Variants in USH2A observed in about 807,000 individuals in gnomAD.
USH2A encodes the protein Usher syndrome 2A (autosomal recessive, mild).
Under a neutral mutation model 538.9 loss-of-function variants are expected in USH2A, and 443 were observed. The observed-to-expected ratio is 0.82, with a 90% CI of 0.76 to 0.89. The LOEUF (loss-of-function observed/expected upper bound fraction) is 0.89, where lower values mean the gene tolerates loss of function less well. Ranked by LOEUF, USH2A falls within the 40% of genes least tolerant of loss-of-function variation. The probability of loss-of-function intolerance (pLI) is 0.00; values close to 1 mark genes in which losing one functional copy is unlikely to be tolerated. For synonymous variants in USH2A, 2,413 were observed against 2,273.5 expected, an observed-to-expected ratio of 1.06 and a Z score of -1.75; for missense variants, 6,633 against 6,324.8, an observed-to-expected ratio of 1.05 and a Z score of -1.65.
intron 21 of USH2A, among the ~76,000 whole-genome samples, chr1:216,141,687 T>C (rs187980519): frequency 6.6e-6 from 1 of 152,224 alleles, no homozygotes; most frequent in Non-Finnish European, 1.5e-5. Context: ...ATTCTCAGGA[T>C]CTAACTGAGA....
At chr1:216,026,779 A>G (rs1044678566) in intron 32 of USH2A, among the ~76,000 whole-genome samples, 1 of 152,170 alleles carries the variant, frequency 6.6e-6, no homozygotes, top group African/African-American at 2.4e-5. Context: ...AGAGTATGCT[A>G]CATGTTATGA....
At chr1:215,929,454 T>C (rs513746) in intron 38 of USH2A, among the ~76,000 whole-genome samples, 123,374 of 151,920 alleles carry the variant, frequency 0.81, 50,262 homozygotes, top group Admixed American at 0.84. Flanking sequence ...CCTGGCCATA[T>C]GTATGTCAAC....
intron 35 of USH2A, among the ~76,000 whole-genome samples, chr1:215,972,620 AT>A (rs1451393970): frequency 2.0e-5 from 3 of 152,296 alleles, no homozygotes; most frequent in African/African-American, 7.2e-5. Context: ...GGATTAAAGC[AT>A]TTTTTGTTAA....
At chr1:216,378,722 T>G (rs2038880349) in intron 3 of USH2A, among the ~76,000 whole-genome samples, 1 of 152,082 alleles carries the variant, frequency 6.6e-6, no homozygotes, top group Non-Finnish European at 1.5e-5. Context: ...CAGGCACACA[T>G]GTATGCACCC....
At chr1:215,631,070 G>A (rs952493719) in intron 70 of USH2A, among the ~76,000 whole-genome samples, 1 of 152,136 alleles carries the variant, frequency 6.6e-6, no homozygotes, top group African/African-American at 2.4e-5. Context: ...TCATTCCTTG[G>A]CACCTCTGCC....
At chr1:216,144,653 T>C (rs2033660967) in intron 21 of USH2A, among the ~76,000 whole-genome samples, 1 of 152,192 alleles carries the variant, frequency 6.6e-6, no homozygotes, top group South Asian at 2.1e-4. Flanking sequence ...CTGCCTATAT[T>C]CAGCTTTTCG....
rs1184097886 is a variant in USH2A, at chr1:215,623,858, G to T, written c.*1923C>A. ...GGATAAACTCAATCTTCTGAACCTA[G>T]CAAAGCATATTTGTAGACTATTCTT... is the stretch of plus-strand genomic sequence containing the variant. On this transcript the variant is annotated 3_prime_UTR_variant, in exon 72 of 72. Coordinates refer to ENST00000307340, the MANE Select transcript of USH2A (RefSeq NM_206933.4). 1.3e-5 allele frequency: 2 copies of T among 152,102 alleles called. No homozygotes were observed. The highest frequency in any genetic ancestry group is 2.9e-5 in the Non-Finnish European group (2 of 68,010). 9.4% of individuals were successfully genotyped at this position (152,102 alleles called of 1,614,324 possible).
intron 32 of USH2A, among the ~76,000 whole-genome samples, chr1:216,032,157 T>C (rs1821761): frequency 0.9 from 137,133 of 152,216 alleles, 61,939 homozygotes; most frequent in African/African-American, 0.97. Flanking sequence ...ACAAATATTT[T>C]CTGAGTTAAA....
intron 21 of USH2A, among the ~76,000 whole-genome samples, chr1:216,172,382 T>C (rs1243219533): frequency 6.6e-6 from 1 of 152,118 alleles, no homozygotes; most frequent in Non-Finnish European, 1.5e-5. Flanking sequence ...TGAGTACTAA[T>C]TGATATTTCT....
chr1:216,246,362 G>A (rs1182418870), intron 13 of USH2A, among the ~76,000 whole-genome samples: 1 of 152,082 alleles, frequency 6.6e-6, no homozygotes. Context: ...AAATCCGATC[G>A]GCTGAGTTTT....
chr1:215,685,460 C>G (rs1279249830), intron 61 of USH2A, among the ~76,000 whole-genome samples: 1 of 151,538 alleles, frequency 6.6e-6, no homozygotes, highest in Non-Finnish European at 1.5e-5. Context: ...TGGGTTCGAG[C>G]GATTCTCATG....
At chr1:215,843,687 A>AT (rs1483972339) in intron 46 of USH2A, among the ~76,000 whole-genome samples, 1 of 152,166 alleles carries the variant, frequency 6.6e-6, no homozygotes, top group African/African-American at 2.4e-5. Flanking sequence ...AACATTGAAC[A>AT]TTTTTTGAGT....
At chr1:216,205,216 A>G (rs1354451211) in intron 16 of USH2A, among the ~76,000 whole-genome samples, 1 of 152,200 alleles carries the variant, frequency 6.6e-6, no homozygotes, top group Non-Finnish European at 1.5e-5. Flanking sequence ...TGGTACTGTC[A>G]TCTTCAAAAT....
chr1:216,205,262 G>C (rs1479598550), intron 16 of USH2A, among the ~76,000 whole-genome samples: 1 of 152,126 alleles, frequency 6.6e-6, no homozygotes, highest in African/African-American at 2.4e-5. Context: ...CTCTTTCTCT[G>C]TCACAAAAGT....
At chr1:216,197,763 C>T (rs898155559) in intron 18 of USH2A, among the ~76,000 whole-genome samples, 3 of 151,922 alleles carry the variant, frequency 2.0e-5, no homozygotes, top group African/African-American at 7.3e-5. Flanking sequence ...GAAGATAATC[C>T]AGAAAATTTA....
chr1:216,030,554 T>C (rs1669097157), intron 32 of USH2A, among the ~76,000 whole-genome samples: 2 of 142,034 alleles, frequency 1.4e-5, no homozygotes, highest in South Asian at 4.2e-4. Context: ...TATATAGATA[T>C]ATATCACAGA....
intron 49 of USH2A, among the ~76,000 whole-genome samples, chr1:215,809,094 G>A (rs1297742651): frequency 2.0e-5 from 3 of 152,230 alleles, no homozygotes; most frequent in South Asian, 4.1e-4. Flanking sequence ...AAGGAGCAAC[G>A]AGCTTATTGT....
chr1:215,913,259 C>T (rs1665860763), intron 38 of USH2A, among the ~76,000 whole-genome samples: 2 of 151,978 alleles, frequency 1.3e-5, no homozygotes, highest in African/African-American at 4.8e-5. Flanking sequence ...TCAAGTGGAG[C>T]AAGACTGGCA....
intron 12 of USH2A, 122 bp from the exon 13 acceptor site, chr1:216,247,348 C>T: frequency 8.0e-7 from 1 of 1,248,904 alleles, no homozygotes; most frequent in South Asian, 1.3e-5. Flanking sequence ...TTCTCACAAG[C>T]AATGCCATAG....
Sources: allele counts gnomAD v4.1 joint callset (sites outside exome capture counted in the v4.1 genomes callset), GRCh38; gene constraint gnomAD v4.1.1; transcripts MANE v1.5; gene names NCBI Gene and HGNC (gene_info 2026-07-23, HGNC 2026-07-21).